The following FAM53B variants were observed in gnomAD, a reference collection of about 807,000 sequenced individuals.
FAM53B encodes family with sequence similarity 53 member B.
A neutral mutation model predicts 32.7 loss-of-function variants in FAM53B; 12 were observed. The observed-to-expected ratio is 0.37, with a 90% CI of 0.24 to 0.59. The LOEUF is 0.59. FAM53B is among the 20% of genes least tolerant of loss of function. FAM53B has a pLI of 0.72. For synonymous variants in FAM53B, 234 were observed against 228.7 expected (o/e 1.02, Z -0.21); for missense variants, 477 against 577.7 (o/e 0.83, Z 1.79).
chr10:124,675,188 G>A (rs1216772802), intron 4 of FAM53B, among the ~76,000 whole-genome samples: 4 of 152,138 alleles, frequency 2.6e-5, no homozygotes, highest in Non-Finnish European at 5.9e-5. Context: ...GGATCCAGGC[G>A]GAGGCTGCAG....
At chr10:124,664,393 T>C (rs576525735) in intron 4 of FAM53B, among the ~76,000 whole-genome samples, 14 of 152,318 alleles carry the variant, frequency 9.2e-5, no homozygotes, top group African/African-American at 3.1e-4. Flanking sequence ...CACCCTGGCA[T>C]GCTGCTCGCC....
chr10:124,726,220 A>G (rs1950102174), intron 1 of FAM53B, among the ~76,000 whole-genome samples: 1 of 152,282 alleles, frequency 6.6e-6, no homozygotes, highest in Middle Eastern at 3.4e-3. Context: ...GAAAATCAGG[A>G]TCCATAAAAG....
At chr10:124,658,597 G>C (rs896411667) in intron 4 of FAM53B, among the ~76,000 whole-genome samples, 2 of 152,224 alleles carry the variant, frequency 1.3e-5, no homozygotes, top group Admixed American at 1.3e-4. Context: ...ATCCATACAA[G>C]TCCTGGAGAA....
intron 4 of FAM53B, among the ~76,000 whole-genome samples, chr10:124,664,402 C>T (rs1949655177): frequency 6.6e-6 from 1 of 152,216 alleles, no homozygotes; most frequent in Non-Finnish European, 1.5e-5. Context: ...ATGCTGCTCG[C>T]CTTTAGGAAA....
intron 4 of FAM53B, among the ~76,000 whole-genome samples, chr10:124,657,162 GTATATATATATGTACA>G (rs753770871): frequency 8.0e-5 from 5 of 62,178 alleles, no homozygotes; most frequent in South Asian, 5.8e-4. Context: ...ATATATGTGT[GTATATATATATGTACA>G]TATATATATA....
chr10:124,715,904 C>T (rs933188200), intron 1 of FAM53B, among the ~76,000 whole-genome samples: 3 of 152,196 alleles, frequency 2.0e-5, no homozygotes, highest in African/African-American at 7.2e-5. Context: ...AGGCACAATT[C>T]CTAGCAGGGC....
At chr10:124,697,249 C>T (rs565718949) in intron 2 of FAM53B, among the ~76,000 whole-genome samples, 2 of 152,258 alleles carry the variant, frequency 1.3e-5, no homozygotes, top group African/African-American at 4.8e-5. Flanking sequence ...ATGAAAGGAG[C>T]TCTTAGCCCC....
chr10:124,727,605 C>T (rs541549794), intron 1 of FAM53B, among the ~76,000 whole-genome samples: 23 of 152,260 alleles, frequency 1.5e-4, no homozygotes, highest in Admixed American at 3.3e-4. Context: ...CATTCACCAT[C>T]GTTCTCCCTG....
chr10:124,637,617 A>C (rs918413090), intron 4 of FAM53B, among the ~76,000 whole-genome samples: 2 of 152,108 alleles, frequency 1.3e-5, no homozygotes, highest in East Asian at 3.9e-4. Flanking sequence ...ATGTGTCTCA[A>C]ACCTGATCCA....
At chr10:124,697,930 C>CA (rs138860473) in intron 2 of FAM53B, among the ~76,000 whole-genome samples, 18,662 of 152,232 alleles carry the variant, frequency 0.12, 1,289 homozygotes, top group Admixed American at 0.16. Context: ...TCCCATCCCC[C>CA]AACACAATCC....
intron 4 of FAM53B, among the ~76,000 whole-genome samples, chr10:124,656,305 G>A (rs1418092184): frequency 6.6e-6 from 1 of 152,248 alleles, no homozygotes; most frequent in East Asian, 1.9e-4. Context: ...CGATAAGCAT[G>A]CTCTGAATGA....
At chr10:124,648,439 C>T (rs1014311885) in intron 4 of FAM53B, among the ~76,000 whole-genome samples, 1 of 152,264 alleles carries the variant, frequency 6.6e-6, no homozygotes, top group African/African-American at 2.4e-5. Context: ...GGCTCTCCAC[C>T]ACCTGCCATA....
chr10:124,708,989 C>A (rs764716538), intron 1 of FAM53B, among the ~76,000 whole-genome samples: 1 of 148,874 alleles, frequency 6.7e-6, no homozygotes, highest in Non-Finnish European at 1.5e-5. Flanking sequence ...CAGTGCTTGC[C>A]TCACAAGGTT....
At chr10:124,634,861 C>T (rs1357991445) in intron 4 of FAM53B, among the ~76,000 whole-genome samples, 1 of 152,068 alleles carries the variant, frequency 6.6e-6, no homozygotes, top group Non-Finnish European at 1.5e-5. Flanking sequence ...GTGGTGATGG[C>T]TGTAGAACTC....
At chr10:124,712,166 C>A (rs1264536232) in intron 1 of FAM53B, among the ~76,000 whole-genome samples, 1 of 152,142 alleles carries the variant, frequency 6.6e-6, no homozygotes, top group Non-Finnish European at 1.5e-5. Context: ...ACCAGCCTGG[C>A]CAACACGGTG....
At chr10:124,626,365 G>A (rs952643437) in intron 4 of FAM53B, among the ~76,000 whole-genome samples, 1 of 148,066 alleles carries the variant, frequency 6.8e-6, no homozygotes, top group Non-Finnish European at 1.5e-5. Flanking sequence ...GGCACTAACC[G>A]TGGTGCTACG....
chr10:124,689,531 A>T (rs1268026020), intron 3 of FAM53B, among the ~76,000 whole-genome samples: 2 of 152,246 alleles, frequency 1.3e-5, no homozygotes, highest in Non-Finnish European at 2.9e-5. Flanking sequence ...AACACAGGAC[A>T]CCAAGTTCCT....
chr10:124,634,508 A>G (rs1488304428), intron 4 of FAM53B, among the ~76,000 whole-genome samples: 1 of 152,166 alleles, frequency 6.6e-6, no homozygotes, highest in Non-Finnish European at 1.5e-5. Flanking sequence ...GTTAGTTCTC[A>G]CGAGAGCTGA....
intron 1 of FAM53B, among the ~76,000 whole-genome samples, chr10:124,718,785 C>A (rs959641738): frequency 1.3e-5 from 2 of 152,248 alleles, no homozygotes; most frequent in African/African-American, 4.8e-5. Flanking sequence ...CAGTGGCTCA[C>A]GCCTATAATC....
Sources: allele counts gnomAD v4.1 joint callset (sites outside exome capture counted in the v4.1 genomes callset), GRCh38; gene constraint gnomAD v4.1.1; transcripts MANE v1.5; gene names NCBI Gene and HGNC (gene_info 2026-07-23, HGNC 2026-07-21).